KIF5C: variants seen among roughly 807,000 people sequenced by gnomAD.
KIF5C encodes the protein kinesin family member 5C, also known as kinesin heavy chain isoform 5C.
KIF5C carries 18 observed loss-of-function variants against 125.2 expected under a neutral mutation model. The ratio of observed to expected loss-of-function variants is 0.14; its 90% CI spans 0.10 to 0.21. The LOEUF is 0.21. Ranked by LOEUF, KIF5C falls within the 10% of genes least tolerant of loss-of-function variation. KIF5C has a pLI of 1.00. For synonymous variants in KIF5C, 405 were observed against 434.0 expected, an observed-to-expected ratio of 0.93 and a Z score of 0.83; for missense variants, 780 against 1,183.8, an observed-to-expected ratio of 0.66 and a Z score of 5.01.
intron 1 of KIF5C, among the ~76,000 whole-genome samples, chr2:148,903,149 T>G (rs1207241885): frequency 6.6e-6 from 1 of 152,170 alleles, no homozygotes; most frequent in Non-Finnish European, 1.5e-5. Context: ...GCTTTGATAG[T>G]CCTACCCTAG....
At position 148,923,439 on chromosome 2, in the gene KIF5C, C is replaced by T. The variant is rs182855907; in HGVS notation, c.217+1212C>T. On this transcript the variant is annotated intron_variant, in intron 2 of 25. Coordinates refer to ENST00000435030, the MANE Select transcript of KIF5C (RefSeq NM_004522.3). Reference sequence around the variant, plus strand: ...ATGAGAAAAAAAATATGACTGAATTCGAGCTCTTTCTGAATTAATAGTATG... The same window carrying T: ...ATGAGAAAAAAAATATGACTGAATTTGAGCTCTTTCTGAATTAATAGTATG... Among the ~76,000 whole-genome samples the T allele has an allele frequency of 1.1e-4, 17 of 152,180 alleles. No homozygotes were observed. The East Asian group carries it at 2.7e-3, about 24-fold the overall frequency.
chr2:148,974,411 A>T (rs1681004050), intron 12 of KIF5C, among the ~76,000 whole-genome samples: 1 of 152,192 alleles, frequency 6.6e-6, no homozygotes, highest in Non-Finnish European at 1.5e-5. Context: ...TCTTTGAGGT[A>T]AAGCTCAGAG....
intron 21 of KIF5C, among the ~76,000 whole-genome samples, chr2:149,004,950 GA>G (rs1681961870): frequency 6.6e-6 from 1 of 152,130 alleles, no homozygotes; most frequent in Admixed American, 6.5e-5. Context: ...GTGGAGACAG[GA>G]AAAATGTGAG....
At chr2:148,927,033 G>A (rs1682029124) in intron 2 of KIF5C, among the ~76,000 whole-genome samples, 1 of 152,194 alleles carries the variant, frequency 6.6e-6, no homozygotes, top group Non-Finnish European at 1.5e-5. Context: ...CGAAATGGCA[G>A]CAAGAAACAG....
rs534492398 is a variant in KIF5C at position 148,954,618 on chromosome 2, A to G, written c.968+4156A>G. 3.7e-4 allele frequency among the ~76,000 whole-genome samples: 56 copies of G among 152,332 alleles called. 1 individual carries two copies. The highest frequency in any genetic ancestry group is 6.9e-4 in the Non-Finnish European group (47 of 68,030). On this transcript the variant is annotated intron_variant, in intron 10 of 25. Coordinates refer to ENST00000435030, the MANE Select transcript of KIF5C (RefSeq NM_004522.3). ...CACTGGGAGTTTTGATTGATCCAGC[A>G]TGAATAATTTGAGGCTTTGTTTGTA...
chr2:148,927,786 A>G (rs1440630980), intron 2 of KIF5C, among the ~76,000 whole-genome samples: 1 of 152,004 alleles, frequency 6.6e-6, no homozygotes, highest in Admixed American at 6.6e-5. Flanking sequence ...GAACCTCCAA[A>G]CCTTACACTG....
At chr2:148,998,804 G>C (rs1450040124) in intron 19 of KIF5C, 2 of 256,518 alleles carry the variant, frequency 7.8e-6, no homozygotes, top group Non-Finnish European at 1.5e-5. Flanking sequence ...CCCAGTAGAT[G>C]GGGGGGAGCA....
Position 148,945,324 on chromosome 2 carries a change from A to G in KIF5C, c.590-1575A>G, listed in dbSNP as rs188964216. On this transcript the variant is annotated intron_variant, in intron 7 of 25. Coordinates refer to ENST00000435030, the MANE Select transcript of KIF5C (RefSeq NM_004522.3). ...AAATTTTTGCATGTACTCTAAGGTA[A>G]GGGCCCAACATTAATATATTTTTTG... is the stretch of plus-strand genomic sequence containing the variant. Among the ~76,000 whole-genome samples, 113 of 152,242 alleles carry G rather than the reference A, an allele frequency of 7.4e-4. 1 individual carries two copies. The highest frequency in any genetic ancestry group is 1.3e-3 in the Non-Finnish European group (86 of 68,004).
Position 149,008,010 on chromosome 2 carries a change from G to T in KIF5C, c.2493G>T (p.Lys831Asn), listed in dbSNP as rs771298651. The T allele has an allele frequency of 6.2e-7, 1 of 1,612,226 alleles. No homozygotes were observed. ...NDDGGGSAAQKQKISFLENNL... is the reference protein window; with the variant it reads ...NDDGGGSAAQNQKISFLENNL... ...ATGGAGGGGGCAGTGCTGCCCAGAA[G>T]CAGAAAATTTCCTTCTTGGAGAATA... The change falls in exon 23 of 26, where the codon AAG (lysine) becomes AAT (asparagine). Residue 831 changes from lysine to asparagine, a missense_variant. Lys to Asn is a moderately conservative substitution (Grantham distance 94). Transcript: ENST00000435030.
chr2:148,883,032 G>A (rs748583611), intron 1 of KIF5C, among the ~76,000 whole-genome samples: 1 of 152,156 alleles, frequency 6.6e-6, no homozygotes, highest in Admixed American at 6.5e-5. Flanking sequence ...TGCTTGGATT[G>A]TCACTTTGAC....
rs1360829509 is a variant in KIF5C, at chr2:148,998,138, A to C, written c.2101-262A>C. 2.6e-5 allele frequency: 13 copies of C among 494,324 alleles called. No homozygotes were observed. In the East Asian group the frequency reaches 4.9e-4, roughly 19 times the overall value. The allele number at this position is 494,324 out of a possible 1,614,324, so 30.6% of individuals were successfully genotyped here. ...CTGGAGAAGCTCAGGCTGGGCTGTAAAAGGTCAAGGGAACACTTTTTATTT... is the reference window on the plus strand; with the variant it reads ...CTGGAGAAGCTCAGGCTGGGCTGTACAAGGTCAAGGGAACACTTTTTATTT... On this transcript the variant is annotated intron_variant, in intron 18 of 25. Transcript: ENST00000435030.
In KIF5C at chr2:149,024,272, A is replaced by G. The variant is rs1682618405; in HGVS notation, c.*1202A>G. On this transcript the variant is annotated 3_prime_UTR_variant, in exon 26 of 26. Coordinates refer to ENST00000435030, the MANE Select transcript of KIF5C (RefSeq NM_004522.3). ...CTTACTTCCAGTTGTGCTTATTAAG[A>G]AGATCAATTTCCAAGTAGTAAAGTT... 6.6e-6 allele frequency: 1 copy of G among 152,586 alleles called. No individual in the cohort carries two copies. Among genetic ancestry groups the G allele is most frequent in the African/African-American group, 2.4e-5 (1 of 41,422 alleles). 9.5% of individuals were successfully genotyped at this position (152,586 alleles called of 1,614,324 possible).
intron 1 of KIF5C, among the ~76,000 whole-genome samples, chr2:148,904,385 CT>C (rs1681021243): frequency 1.3e-5 from 2 of 152,314 alleles, no homozygotes; most frequent in African/African-American, 4.8e-5. Context: ...GTTCCTCGTA[CT>C]GGGAATAATA....
At chr2:148,995,780 G>A (rs1681652198) in intron 17 of KIF5C, among the ~76,000 whole-genome samples, 2 of 152,188 alleles carry the variant, frequency 1.3e-5, no homozygotes. Context: ...ATACATGAAG[G>A]TGTGCAGCAA....
intron 10 of KIF5C, among the ~76,000 whole-genome samples, chr2:148,955,262 G>A (rs1280723121): frequency 6.6e-6 from 1 of 152,202 alleles, no homozygotes. Flanking sequence ...AGCTTGGCTA[G>A]GCCATAGTGC....
At chr2:149,005,290 T>C in intron 21 of KIF5C, 103 bp from the exon 22 acceptor site, 1 of 1,536,304 alleles carries the variant, frequency 6.5e-7, no homozygotes, top group Non-Finnish European at 8.8e-7. Context: ...ACCAGCGGCG[T>C]CCATGGCAGG....
intron 1 of KIF5C, among the ~76,000 whole-genome samples, chr2:148,913,750 G>A (rs1018551915): frequency 1.3e-5 from 2 of 152,292 alleles, no homozygotes; most frequent in Non-Finnish European, 1.5e-5. Context: ...CCACCAGGGC[G>A]GTGTACCCCA....
chr2:149,010,589 T>C (rs1220838329), intron 24 of KIF5C, among the ~76,000 whole-genome samples: 1 of 152,254 alleles, frequency 6.6e-6, no homozygotes, highest in Non-Finnish European at 1.5e-5. Context: ...TCAAAACTTC[T>C]GAGCTGGGCA....
chr2:149,022,248 A>C (rs1682552865), intron 25 of KIF5C, among the ~76,000 whole-genome samples: 1 of 152,208 alleles, frequency 6.6e-6, no homozygotes, highest in Non-Finnish European at 1.5e-5. Flanking sequence ...AAAATGCATT[A>C]TGTTACTCTG....
Sources: gnomAD v4.1 joint callset for allele counts (sites outside exome capture counted in the v4.1 genomes callset) on GRCh38, gnomAD v4.1.1 for gene constraint, MANE v1.5 for transcripts, NCBI Gene and HGNC (gene_info 2026-07-23, HGNC 2026-07-21) for gene names.